Variants in WWOX observed in about 807,000 individuals in gnomAD.
The protein encoded by WWOX is WW domain-containing oxidoreductase.
WWOX carries 69 observed loss-of-function variants against 46.2 expected under a neutral mutation model. That is an observed-to-expected ratio of 1.49 (90% CI 1.23 to 1.82). WWOX has a LOEUF of 1.82. Ranked by LOEUF, WWOX falls within the 40% of genes most tolerant of loss-of-function variation. The probability of loss-of-function intolerance (pLI) is 0.00; values close to 1 mark genes in which losing one functional copy is unlikely to be tolerated. For missense variants in WWOX, 919 were observed against 542.6 expected (o/e 1.69, Z -6.89); for synonymous variants, 359 against 202.6 (o/e 1.77, Z -6.56).
intron 8 of WWOX, among the ~76,000 whole-genome samples, chr16:78,536,778 G>C (rs990623234): frequency 2.6e-5 from 4 of 152,084 alleles, no homozygotes; most frequent in African/African-American, 9.7e-5. Flanking sequence ...CTTGCCTCTA[G>C]CTGATGTGGA....
chr16:78,461,454 C>T (rs1238704580), intron 8 of WWOX, among the ~76,000 whole-genome samples: 1 of 152,148 alleles, frequency 6.6e-6, no homozygotes, highest in Non-Finnish European at 1.5e-5. Flanking sequence ...AGAAACCCAG[C>T]CAAACAAGTG....
At chr16:79,055,400 G>T (rs1277406788) in intron 8 of WWOX, among the ~76,000 whole-genome samples, 1 of 152,120 alleles carries the variant, frequency 6.6e-6, no homozygotes, top group Non-Finnish European at 1.5e-5. Context: ...CCAATGGAAT[G>T]TGGCTGAGTG....
intron 8 of WWOX, among the ~76,000 whole-genome samples, chr16:78,952,922 A>T (rs1254257387): frequency 6.6e-6 from 1 of 152,204 alleles, no homozygotes; most frequent in Non-Finnish European, 1.5e-5. Context: ...GGGAAACCTG[A>T]AGCTGGCTCA....
Position 78,379,227 on chromosome 16 carries a change from G to C in WWOX, c.517-7633G>C, listed in dbSNP as rs78943693. Among the ~76,000 whole-genome samples the C allele has an allele frequency of 3.8e-4, 58 of 152,280 alleles. No individual in the cohort carries two copies. In the East Asian group the frequency reaches 0.011, roughly 28 times the overall value. On this transcript the variant is annotated intron_variant, in intron 5 of 8. Transcript: ENST00000566780. ...TTAGAGCTTTTTAAATGAGATTCTG[G>C]AAATAAGTTTTTCCGTATGTGTAAG...
intron 6 of WWOX, among the ~76,000 whole-genome samples, chr16:78,420,915 G>A (rs7185819): frequency 0.042 from 6,381 of 152,122 alleles, 429 homozygotes; most frequent in African/African-American, 0.15. Flanking sequence ...GGGGTATGGG[G>A]TATGAATCAC....
rs142045425 is a variant in WWOX, at chr16:78,426,786, T to A, written c.791+1731T>A. 6.4e-3 allele frequency among the ~76,000 whole-genome samples: 967 copies of A among 152,238 alleles called. 6 individuals are homozygous for A. Among genetic ancestry groups the A allele is most frequent in the African/African-American group, 0.022 (907 of 41,518 alleles). On this transcript the variant is annotated intron_variant, in intron 7 of 8. Coordinates refer to ENST00000566780, the MANE Select transcript of WWOX (RefSeq NM_016373.4). ...TTAAGCGATTCTCCTGCCTCAGCCT[T>A]CCAAGTAGCTGGGACCACAGGCGCT...
intron 8 of WWOX, among the ~76,000 whole-genome samples, chr16:78,622,074 C>A (rs917869892): frequency 6.6e-6 from 1 of 152,204 alleles, no homozygotes; most frequent in African/African-American, 2.4e-5. Flanking sequence ...GCATTCTAAG[C>A]ACACCAGTAT....
rs1175400515 is a variant in WWOX, at chr16:79,212,242, T to C, written c.*446T>C. 4 of 1,345,514 alleles carry C rather than the reference T, an allele frequency of 3.0e-6. No individual in the cohort carries two copies. Among genetic ancestry groups the C allele is most frequent in the Non-Finnish European group, 3.9e-6 (4 of 1,018,288 alleles). 83.3% of individuals were successfully genotyped at this position (1,345,514 alleles called of 1,614,324 possible). On this transcript the variant is annotated 3_prime_UTR_variant, in exon 9 of 9. Coordinates refer to ENST00000566780, the MANE Select transcript of WWOX (RefSeq NM_016373.4). ...AAGTGTTCACTGCTCCTTGCTGCATTGATCCAGGAGATAATTGTTTCATTC... is the reference window on the plus strand; with the variant it reads ...AAGTGTTCACTGCTCCTTGCTGCATCGATCCAGGAGATAATTGTTTCATTC...
chr16:79,140,592 G>C (rs886518806), intron 8 of WWOX, among the ~76,000 whole-genome samples: 3 of 152,198 alleles, frequency 2.0e-5, no homozygotes, highest in Non-Finnish European at 2.9e-5. Flanking sequence ...CGCATGAAGG[G>C]TGGGTGCCCT....
intron 8 of WWOX, among the ~76,000 whole-genome samples, chr16:78,843,007 G>T (rs2052201990): frequency 6.7e-6 from 1 of 150,140 alleles, no homozygotes; most frequent in Non-Finnish European, 1.5e-5. Context: ...GAGGATGTTT[G>T]TTAACAGGGC....
intron 8 of WWOX, among the ~76,000 whole-genome samples, chr16:79,109,453 A>C (rs936377600): frequency 6.6e-6 from 1 of 152,124 alleles, no homozygotes; most frequent in African/African-American, 2.4e-5. Flanking sequence ...CATAGGGAAG[A>C]GAGAGCCGGG....
intron 8 of WWOX, among the ~76,000 whole-genome samples, chr16:79,075,552 T>TC (rs1491334027): frequency 0.13 from 8 of 60 alleles, no homozygotes; most frequent in East Asian, 0.44. Flanking sequence ...TCTCTCTCTC[T>TC]TTTTTTTTTT....
chr16:79,136,353 C>G (rs1018320972), intron 8 of WWOX, among the ~76,000 whole-genome samples: 1 of 152,120 alleles, frequency 6.6e-6, no homozygotes, highest in Non-Finnish European at 1.5e-5. Flanking sequence ...GCCTCCGCCT[C>G]CCAAGTAGCT....
At chr16:78,946,972 G>C (rs2045961231) in intron 8 of WWOX, among the ~76,000 whole-genome samples, 1 of 152,084 alleles carries the variant, frequency 6.6e-6, no homozygotes, top group African/African-American at 2.4e-5. Context: ...ATCGCACGCA[G>C]GCATTAAATG....
chr16:79,124,479 G>A (rs1010509051), intron 8 of WWOX, among the ~76,000 whole-genome samples: 3 of 152,300 alleles, frequency 2.0e-5, no homozygotes, highest in South Asian at 2.1e-4. Flanking sequence ...GGGTGGTGTG[G>A]CACAAAGGCG....
intron 8 of WWOX, among the ~76,000 whole-genome samples, chr16:78,869,669 G>A (rs531616348): frequency 1.3e-5 from 2 of 152,310 alleles, no homozygotes; most frequent in African/African-American, 4.8e-5. Flanking sequence ...CGTGGGGAGT[G>A]GTGGCCTACT....
chr16:78,745,014 A>G (rs1394295716), intron 8 of WWOX, among the ~76,000 whole-genome samples: 3 of 152,288 alleles, frequency 2.0e-5, no homozygotes, highest in South Asian at 2.1e-4. Context: ...TTCCCAGCAC[A>G]TACCATTTAT....
chr16:78,298,047 C>G (rs1321651746), intron 5 of WWOX, among the ~76,000 whole-genome samples: 1 of 152,166 alleles, frequency 6.6e-6, no homozygotes, highest in African/African-American at 2.4e-5. Context: ...CCCCACTTTG[C>G]TCTGTACTTC....
At chr16:78,587,694 C>T (rs1050438533) in intron 8 of WWOX, among the ~76,000 whole-genome samples, 3 of 152,022 alleles carry the variant, frequency 2.0e-5, no homozygotes, top group Non-Finnish European at 4.4e-5. Context: ...TAGGGAGGTG[C>T]TTGATGGCTT....
Sources: allele counts gnomAD v4.1 joint callset (sites outside exome capture counted in the v4.1 genomes callset), GRCh38; gene constraint gnomAD v4.1.1; transcripts MANE v1.5; gene names NCBI Gene and HGNC (gene_info 2026-07-23, HGNC 2026-07-21).